The following GRIP2 variants were observed in gnomAD, a reference collection of about 807,000 sequenced individuals.
GRIP2 encodes glutamate receptor interacting protein 2, also known as glutamate receptor-interacting protein 2.
Under a neutral mutation model 108.3 loss-of-function variants are expected in GRIP2, and 58 were observed. The observed-to-expected ratio is 0.54, with a 90% confidence interval of 0.43 to 0.67. GRIP2 has a LOEUF of 0.67. GRIP2 is among the 30% of genes least tolerant of loss of function. GRIP2 has a pLI of 0.00. For synonymous variants in GRIP2, 586 were observed against 598.2 expected (o/e 0.98, Z 0.30); for missense variants, 1,278 against 1,430.6 (o/e 0.89, Z 1.72).
the GRIP2 span, among the ~76,000 whole-genome samples, chr3:14,599,663 GTCTCTCTC>G: frequency 4.2e-5 from 6 of 142,684 alleles, no homozygotes; most frequent in African/African-American, 1.6e-4. Context: ...TGAAGCACAA[GTCTCTCTC>G]TCTCTCTCTC....
chr3:14,599,447 G>A, the GRIP2 span, among the ~76,000 whole-genome samples: 307 of 152,136 alleles, frequency 2.0e-3, no homozygotes, highest in Non-Finnish European at 3.2e-3. Flanking sequence ...ATTTGCTGCC[G>A]CCCTCAACTC....
At chr3:14,527,694 A>G (rs1220507428) in intron 1 of GRIP2, among the ~76,000 whole-genome samples, 4 of 125,044 alleles carry the variant, frequency 3.2e-5, no homozygotes, top group African/African-American at 1.0e-4. Context: ...GTTCGAGACC[A>G]ATCTGGCCAA....
At chr3:14,587,380 C>T in the GRIP2 span, among the ~76,000 whole-genome samples, 2 of 152,180 alleles carry the variant, frequency 1.3e-5, no homozygotes, top group Non-Finnish European at 2.9e-5. Flanking sequence ...TTAGGCAAAA[C>T]TTTTCTCTTT....
chr3:14,519,983 G>C, intron 9 of GRIP2, 127 bp downstream of exon 9: 1 of 924,300 alleles, frequency 1.1e-6, no homozygotes, highest in African/African-American at 1.7e-5. Flanking sequence ...GCTTCCCTGG[G>C]CAAATGAGGA....
At chr3:14,575,560 C>T in the GRIP2 span, among the ~76,000 whole-genome samples, 1 of 152,218 alleles carries the variant, frequency 6.6e-6, no homozygotes, top group Admixed American at 6.5e-5. Context: ...ACAGAACTGT[C>T]CTGTGGGATA....
chr3:14,537,061 G>C (rs1396194814), intron 1 of GRIP2, among the ~76,000 whole-genome samples: 1 of 152,216 alleles, frequency 6.6e-6, no homozygotes, highest in Non-Finnish European at 1.5e-5. Context: ...TACACAGCCA[G>C]AAGTGACAAA....
the GRIP2 span, among the ~76,000 whole-genome samples, chr3:14,586,173 T>C: frequency 6.6e-6 from 1 of 152,148 alleles, no homozygotes; most frequent in Admixed American, 6.5e-5. Flanking sequence ...CCCACACAAA[T>C]GTCACCTCCT....
the GRIP2 span, chr3:14,574,138 T>G: frequency 1.6e-5 from 15 of 941,330 alleles, no homozygotes; most frequent in East Asian, 3.6e-4. Flanking sequence ...ACGGGCACGA[T>G]GCCATAGATG....
the GRIP2 span, among the ~76,000 whole-genome samples, chr3:14,572,459 A>G: frequency 6.6e-6 from 1 of 151,156 alleles, no homozygotes; most frequent in South Asian, 2.1e-4. Flanking sequence ...AAAAATACAA[A>G]AAATTAGCCG....
the GRIP2 span, chr3:14,574,375 C>G: frequency 1.1e-6 from 1 of 909,152 alleles, no homozygotes; most frequent in Non-Finnish European, 1.8e-6. Flanking sequence ...CGCGGCCCCG[C>G]GGTGCTCACC....
chr3:14,601,066 TCACACA>T, the GRIP2 span, among the ~76,000 whole-genome samples: 3 of 148,918 alleles, frequency 2.0e-5, no homozygotes, highest in East Asian at 2.0e-4. Flanking sequence ...TCTCTCTCTC[TCACACA>T]CACACACACA....
chr3:14,551,512 G>A (rs1026187271), intron 1 of GRIP2, among the ~76,000 whole-genome samples: 6 of 152,296 alleles, frequency 3.9e-5, no homozygotes, highest in African/African-American at 9.6e-5. Context: ...ACAGCCAGGC[G>A]GAGAGCGGGA....
Position 14,520,214 on chromosome 3 carries a change from G to A in GRIP2, c.926C>T (p.Ser309Leu), listed in dbSNP as rs936598557. Reference sequence around the variant, plus strand: ...CAGGAGCTTGGTGGCCTCAAGCAGCGAGCAGTGTTCCATGCTGGTGCCATC... The same window carrying A: ...CAGGAGCTTGGTGGCCTCAAGCAGCAAGCAGTGTTCCATGCTGGTGCCATC... ...SIDGTSMEHC[S>L]LLEATKLLAS... Residue 309 changes from serine to leucine, a missense_variant, in exon 9 of 24, where the codon TCG (serine) becomes TTG (leucine). By Grantham distance (145) the Ser-to-Leu change is moderately radical. Transcript: ENST00000621039. The A allele has an allele frequency of 6.2e-7, 1 of 1,613,768 alleles. No homozygotes were observed. Among genetic ancestry groups the A allele is most frequent in the Non-Finnish European group, 8.5e-7 (1 of 1,179,870 alleles).
the GRIP2 span, among the ~76,000 whole-genome samples, chr3:14,581,168 G>C: frequency 6.6e-6 from 1 of 152,186 alleles, no homozygotes; most frequent in African/African-American, 2.4e-5. Flanking sequence ...GGATCTATTG[G>C]TTCTCTTTCT....
chr3:14,509,904 G>A lies in GRIP2; in HGVS notation c.1994C>T (p.Pro665Leu), dbSNP rs1694034613. ...YTVELKRYGG[P>L]LGITISGTEE... is the part of the protein sequence containing the mutation. ...CGTGCCCGAAATGGTGATGCCCAGGGGACCCCCGTAGCGCTTCAGCTCCAC... is the reference window on the plus strand; with the variant it reads ...CGTGCCCGAAATGGTGATGCCCAGGAGACCCCCGTAGCGCTTCAGCTCCAC... The change falls in exon 17 of 24, where the codon CCC (proline) becomes CTC (leucine). Residue 665 changes from proline (P) to leucine (L), a missense_variant. Transcript: ENST00000621039. 1 of 1,550,028 alleles carries A rather than the reference G, an allele frequency of 6.5e-7. No individual in the cohort carries two copies. Among genetic ancestry groups the A allele is most frequent in the Non-Finnish European group, 8.7e-7 (1 of 1,147,152 alleles).
At chr3:14,588,496 T>C in the GRIP2 span, among the ~76,000 whole-genome samples, 1 of 151,920 alleles carries the variant, frequency 6.6e-6, no homozygotes, top group Non-Finnish European at 1.5e-5. Flanking sequence ...TCAAGGTGGG[T>C]GGCCTCTCCT....
chr3:14,510,776 C>A (rs1429771785), intron 16 of GRIP2, among the ~76,000 whole-genome samples: 1 of 152,112 alleles, frequency 6.6e-6, no homozygotes. Flanking sequence ...GTCAGTGGGG[C>A]CTGAGTCTGC....
At chr3:14,560,380 T>C (rs976507627), upstream of GRIP2, among the ~76,000 whole-genome samples, 7 of 152,200 alleles carry the variant, frequency 4.6e-5, no homozygotes, top group African/African-American at 1.7e-4. Context: ...CTCCCAGCAA[T>C]GTCACCCCCA....
At position 14,493,908 on chromosome 3, in the gene GRIP2, A is replaced by G. The variant is rs555023970; in HGVS notation, c.2971-82T>C. The G allele has an allele frequency of 3.4e-6, 5 of 1,474,728 alleles. No homozygotes were observed. The South Asian group carries it at 6.5e-5, about 19-fold the overall frequency. The allele number at this position is 1,474,728 out of a possible 1,614,324, so 91.4% of individuals were successfully genotyped here. On this transcript the variant is annotated intron_variant, in intron 23 of 23. Transcript: ENST00000621039. Reference sequence around the variant, plus strand: ...GGGAGCAAGAGGCATGTGATGTCCTAAAGATGGGTCCTGCCCCAGCCTTGA... The same window carrying G: ...GGGAGCAAGAGGCATGTGATGTCCTGAAGATGGGTCCTGCCCCAGCCTTGA...
Sources: gnomAD v4.1 joint callset for allele counts (sites outside exome capture counted in the v4.1 genomes callset) on GRCh38, gnomAD v4.1.1 for gene constraint, MANE v1.5 for transcripts, NCBI Gene and HGNC (gene_info 2026-07-23, HGNC 2026-07-21) for gene names.